The following NLRP5 variants were observed in gnomAD, a reference collection of about 807,000 sequenced individuals.
NLRP5 encodes NLR family pyrin domain containing 5, also known as NACHT, LRR and PYD domains-containing protein 5.
Under a neutral mutation model 113.1 loss-of-function variants are expected in NLRP5, and 93 were observed. The observed-to-expected ratio is 0.82, with a 90% confidence interval of 0.70 to 0.98. The LOEUF (loss-of-function observed/expected upper bound fraction) is 0.98, where lower values mean the gene tolerates loss of function less well. NLRP5 is among the 50% of genes least tolerant of loss of function. NLRP5 has a pLI of 0.00. For synonymous variants in NLRP5, 751 were observed against 600.7 expected, an observed-to-expected ratio of 1.25 and a Z score of -3.66; for missense variants, 1,808 against 1,514.3, an observed-to-expected ratio of 1.19 and a Z score of -3.22.
At chr19:55,989,708 A>G in the NLRP5 span, among the ~76,000 whole-genome samples, 6 of 152,178 alleles carry the variant, frequency 3.9e-5, no homozygotes, top group Non-Finnish European at 8.8e-5. Flanking sequence ...AGATGGGGCA[A>G]CTTTCTGTGC....
rs1372597382 is a variant in NLRP5 at position 56,004,009 on chromosome 19, C to T, written c.356C>T (p.Ala119Val). The T allele has an allele frequency of 6.2e-7, 1 of 1,613,942 alleles. No homozygotes were observed. ...CTCCTCTTGCATGAGTATTATGGAG[C>T]ATCGCTGGCCTGGGCTACGTCCATT... is the stretch of plus-strand genomic sequence containing the variant. Residue 119 changes from alanine (A) to valine (V), a missense_variant, in exon 2 of 15, where the codon GCA becomes GTA. Coordinates refer to ENST00000390649, the MANE Select transcript of NLRP5 (RefSeq NM_153447.4).
chr19:56,056,617 C>T (rs1366705235), intron 13 of NLRP5, among the ~76,000 whole-genome samples: 2 of 152,166 alleles, frequency 1.3e-5, no homozygotes, highest in African/African-American at 2.4e-5. Flanking sequence ...AGGTTAGTTT[C>T]CTCCACGATG....
chr19:56,014,143 T>A (rs143023973), intron 3 of NLRP5, among the ~76,000 whole-genome samples: 97 of 152,324 alleles, frequency 6.4e-4, no homozygotes, highest in African/African-American at 1.9e-3. Context: ...AAGACAAATT[T>A]ATTTCCTTGA....
At chr19:56,008,132 GT>G (rs1314334191) in intron 2 of NLRP5, among the ~76,000 whole-genome samples, 1 of 150,870 alleles carries the variant, frequency 6.6e-6, no homozygotes, top group East Asian at 2.0e-4. Flanking sequence ...GTTTCACCAT[GT>G]TAGCCAGGAT....
At chr19:56,035,724 C>A (rs2123316564) in intron 9 of NLRP5, among the ~76,000 whole-genome samples, 1 of 152,270 alleles carries the variant, frequency 6.6e-6, no homozygotes, top group Admixed American at 6.5e-5. Flanking sequence ...TTCCCGGAAC[C>A]TAGAACTGCT....
intron 9 of NLRP5, among the ~76,000 whole-genome samples, 189 bp from the exon 10 acceptor site, chr19:56,037,836 T>C (rs1983376286): frequency 6.6e-6 from 1 of 151,462 alleles, no homozygotes; most frequent in Non-Finnish European, 1.5e-5. Context: ...GTGAACCCCA[T>C]GAAAACCTGA....
chr19:56,030,575 A>G (rs1983058424), intron 7 of NLRP5, among the ~76,000 whole-genome samples: 1 of 152,118 alleles, frequency 6.6e-6, no homozygotes. Flanking sequence ...AGCCTGGGCA[A>G]TTTTCCTGTA....
chr19:56,043,854 G>A (rs571250574), intron 11 of NLRP5, among the ~76,000 whole-genome samples: 241 of 151,070 alleles, frequency 1.6e-3, no homozygotes, highest in African/African-American at 5.6e-3. Context: ...TGGGATTACA[G>A]GCGTGAGCCA....
At chr19:56,054,842 G>T (rs1984070597) in intron 13 of NLRP5, among the ~76,000 whole-genome samples, 1 of 152,072 alleles carries the variant, frequency 6.6e-6, no homozygotes, top group South Asian at 2.1e-4. Context: ...GCAGCGCACT[G>T]TGAACTACTC....
intron 7 of NLRP5, 46 bp downstream of exon 7, chr19:56,028,555 G>C (rs1982973254): frequency 2.6e-6 from 4 of 1,542,348 alleles, no homozygotes; most frequent in African/African-American, 2.7e-5. Flanking sequence ...GCTGAGCTCT[G>C]TGTCTCTACT....
At chr19:56,046,698 G>A (rs372985315) in intron 11 of NLRP5, among the ~76,000 whole-genome samples, 5 of 151,328 alleles carry the variant, frequency 3.3e-5, no homozygotes, top group East Asian at 1.9e-4. Flanking sequence ...CCGCCACTGC[G>A]GCCGGCTAAT....
upstream of NLRP5, among the ~76,000 whole-genome samples, chr19:55,997,427 T>C (rs1207240116): frequency 6.6e-6 from 1 of 152,216 alleles, no homozygotes; most frequent in East Asian, 1.9e-4. Flanking sequence ...TTTTTGTGTG[T>C]CCTTTTCTGG....
Position 56,039,972 on chromosome 19 carries a change from T to C in NLRP5, c.2787-950T>C, listed in dbSNP as rs117359763. Among the ~76,000 whole-genome samples the C allele has an allele frequency of 2.4e-3, 368 of 152,182 alleles. 16 individuals are homozygous for C. In the East Asian group the frequency reaches 0.067, roughly 28 times the overall value. ...GGGTCATGATGTGTTAGATGTAGTT[T>C]TGGGGGGTGGTCTTGCTCACTGTTC... On this transcript the variant is annotated intron_variant, in intron 10 of 14. Coordinates refer to ENST00000390649, the MANE Select transcript of NLRP5 (RefSeq NM_153447.4).
chr19:56,055,818 T>C (rs1382139198), intron 13 of NLRP5, among the ~76,000 whole-genome samples: 2 of 151,772 alleles, frequency 1.3e-5, no homozygotes, highest in South Asian at 2.1e-4. Flanking sequence ...GTGCTGGGAT[T>C]ACAGGCATAA....
chr19:55,989,472 C>T, the NLRP5 span, among the ~76,000 whole-genome samples: 2 of 152,166 alleles, frequency 1.3e-5, no homozygotes, highest in Non-Finnish European at 2.9e-5. Context: ...GGGCTGGTCT[C>T]GAACTCCTGA....
intron 11 of NLRP5, among the ~76,000 whole-genome samples, chr19:56,046,399 C>CGTGTCTGTGTGTGT (rs1983724122): frequency 6.8e-6 from 1 of 148,070 alleles, no homozygotes; most frequent in Non-Finnish European, 1.5e-5. Flanking sequence ...TTTGTAGTTT[C>CGTGTCTGTGTGTGT]GTGTGTGTGT....
rs528371685 is a variant in NLRP5 at position 56,019,402 on chromosome 19, A to G, written c.622+4A>G. 2 of 1,613,654 alleles carry G rather than the reference A, an allele frequency of 1.2e-6. No homozygotes were observed. The highest frequency in any genetic ancestry group is 2.2e-5 in the East Asian group (1 of 44,880). ...GCAGCAGAGACAGAAGAACAAGGTG[A>G]GGAAAATAGATGTATTCCTTGGTTG... On this transcript the variant is annotated splice_donor_region_variant and intron_variant, in intron 5 of 14. Transcript: ENST00000390649.
chr19:56,036,178 C>G (rs1289324430), intron 9 of NLRP5, among the ~76,000 whole-genome samples: 1 of 150,380 alleles, frequency 6.6e-6, no homozygotes, highest in Non-Finnish European at 1.5e-5. Flanking sequence ...ATTCTCCTGC[C>G]TCAGCCTCCT....
chr19:56,038,916 TCCTCCCGTCTTGG>T (rs1416732121), intron 10 of NLRP5, among the ~76,000 whole-genome samples: 1 of 152,294 alleles, frequency 6.6e-6, no homozygotes, highest in East Asian at 1.9e-4. Flanking sequence ...GCCCAAGTGA[TCCTCCCGTCTTGG>T]CCTCCTGAAG....
Sources: gnomAD v4.1 joint callset for allele counts (sites outside exome capture counted in the v4.1 genomes callset) on GRCh38, gnomAD v4.1.1 for gene constraint, MANE v1.5 for transcripts, NCBI Gene and HGNC (gene_info 2026-07-23, HGNC 2026-07-21) for gene names.